PLEKHG6: variants seen among roughly 807,000 people sequenced by gnomAD.
PLEKHG6 encodes the protein pleckstrin homology and RhoGEF domain containing G6, also known as pleckstrin homology domain-containing family G member 6.
A neutral mutation model predicts 97.5 loss-of-function variants in PLEKHG6; 91 were observed. The ratio of observed to expected loss-of-function variants is 0.93; its 90% CI spans 0.79 to 1.11. PLEKHG6 has a LOEUF of 1.11. PLEKHG6 is among the 50% of genes most tolerant of loss of function. The pLI is 0.00. For synonymous variants in PLEKHG6, 466 were observed against 425.5 expected (o/e 1.10, Z -1.17); for missense variants, 1,044 against 1,031.0 (o/e 1.01, Z -0.17).
In PLEKHG6 at chr12:6,316,270, C is replaced by G; in HGVS notation, c.622C>G (p.Leu208Val). ...CCTCCTCCAGGTGTCAGCTGAGACC[C>G]TGTTTGGAAATGTCCCCAGCCTGAT... ...GLLMEVSAET[L>V]FGNVPSLIRT... Residue 208 changes from leucine to valine, a missense_variant, in exon 7 of 16, where the codon CTG becomes GTG. Transcript: ENST00000684764. This position sits in a 1 kb window ranked among gnomAD's most constrained non-coding sequence, Gnocchi z 4.1. 6.4e-7 allele frequency: 1 copy of G among 1,553,956 alleles called. No individual in the cohort carries two copies. Among genetic ancestry groups the G allele is most frequent in the Non-Finnish European group, 8.7e-7 (1 of 1,147,778 alleles).
rs115544986 is a variant in PLEKHG6 at position 6,322,232 on chromosome 12, A to G, written c.1524+3124A>G. Among the ~76,000 whole-genome samples, 460 of 152,308 alleles carry G rather than the reference A, an allele frequency of 3.0e-3. 1 individual carries two copies. The highest frequency in any genetic ancestry group is 0.011 in the African/African-American group (451 of 41,558). On this transcript the variant is annotated intron_variant, in intron 13 of 15. Transcript: ENST00000684764. ...GAAAGGGAAATGTGTTTGTTTAGTT[A>G]TTGCTTCCTCAGTGAGGTGGCTTTA...
rs749881419 is a variant in PLEKHG6, at chr12:6,317,286, C to T, written c.757-17C>T. On this transcript the variant is annotated splice_polypyrimidine_tract_variant and intron_variant, in intron 7 of 15. Transcript: ENST00000684764. Reference sequence around the variant, plus strand: ...CTCCCCATGCCTGCTCCCCACCTCCCGTATCTGTCTCTCCAGTTTGGCCAG... The same window carrying T: ...CTCCCCATGCCTGCTCCCCACCTCCTGTATCTGTCTCTCCAGTTTGGCCAG... 1.5e-5 allele frequency: 23 copies of T among 1,546,584 alleles called. No homozygotes were observed. In the Admixed American group the frequency reaches 3.2e-4, roughly 21 times the overall value.
chr12:6,312,344 C>A lies in PLEKHG6; in HGVS notation c.118C>A (p.Pro40Thr). The A allele has an allele frequency of 6.3e-7, 1 of 1,583,914 alleles. No individual in the cohort carries two copies. Among genetic ancestry groups the A allele is most frequent in the African/African-American group, 1.4e-5 (1 of 72,526 alleles). ...TCAGAGCACTGCTGGCAGACTCTAT[C>A]CCCGAGGATACCCTGTGCTGGTGAG... ...SAQSTAGRLY[P>T]RGYPVLDPSR... The change falls in exon 2 of 16, where the codon CCC becomes ACC. Residue 40 changes from proline to threonine, a missense_variant. By Grantham distance (38) the Pro-to-Thr change is conservative. Transcript: ENST00000684764.
chr12:6,318,235 C>T (rs982041019), intron 10 of PLEKHG6, 66 bp from the exon 11 acceptor site: 62 of 1,606,972 alleles, frequency 3.9e-5, no homozygotes, highest in South Asian at 3.2e-4. Context: ...AACCAGGAGC[C>T]GCCCTTGGCC....
chr12:6,321,985 A>G (rs1422096993), intron 13 of PLEKHG6, among the ~76,000 whole-genome samples: 7 of 152,128 alleles, frequency 4.6e-5, no homozygotes, highest in Admixed American at 4.6e-4. Flanking sequence ...CTCAACTTCA[A>G]TTTCGTCATC....
intron 2 of PLEKHG6, 112 bp downstream of exon 2, chr12:6,312,476 T>A: frequency 8.1e-7 from 1 of 1,241,566 alleles, no homozygotes; most frequent in Non-Finnish European, 1.1e-6. Context: ...TCCTGCCCCT[T>A]ACCCTACTCT....
At chr12:6,320,478 C>T (rs185828651) in intron 13 of PLEKHG6, among the ~76,000 whole-genome samples, 1 of 152,174 alleles carries the variant, frequency 6.6e-6, no homozygotes, top group East Asian at 2.0e-4. Context: ...TTGCCCCAGG[C>T]GTTCCGTGGC....
In PLEKHG6 at chr12:6,312,366, T is replaced by C; in HGVS notation, c.138+2T>C. ...TATCCCCGAGGATACCCTGTGCTGGTGAGTCCAGGCTGTGCCCCAAAAGTG... is the reference window on the plus strand; with the variant it reads ...TATCCCCGAGGATACCCTGTGCTGGCGAGTCCAGGCTGTGCCCCAAAAGTG... On this transcript the variant is annotated splice_donor_variant, in intron 2 of 15. Coordinates refer to ENST00000684764, the MANE Select transcript of PLEKHG6 (RefSeq NM_001384598.1). LOFTEE classifies it high-confidence loss of function. 1 of 1,582,990 alleles carries C rather than the reference T, an allele frequency of 6.3e-7. No individual in the cohort carries two copies. The highest frequency in any genetic ancestry group is 8.6e-7 in the Non-Finnish European group (1 of 1,167,464).
chr12:6,321,758 C>A (rs113155570), intron 13 of PLEKHG6, among the ~76,000 whole-genome samples: 1 of 136,912 alleles, frequency 7.3e-6, no homozygotes, highest in Non-Finnish European at 1.5e-5. Context: ...ACCCGGGAGG[C>A]GGAGCTTGCA....
intron 14 of PLEKHG6, 97 bp downstream of exon 14, chr12:6,326,670 A>C: frequency 2.5e-6 from 3 of 1,207,530 alleles, no homozygotes; most frequent in Non-Finnish European, 3.3e-6. Context: ...GGAATTGGGA[A>C]TAGATAGAGG....
intron 13 of PLEKHG6, among the ~76,000 whole-genome samples, chr12:6,320,635 C>G (rs1445413582): frequency 6.6e-6 from 1 of 152,194 alleles, no homozygotes; most frequent in Non-Finnish European, 1.5e-5. Context: ...GAGAACTCAT[C>G]TTGAGCTCTT....
Position 6,315,953 on chromosome 12 carries a change from G to A in PLEKHG6, c.606+34G>A. 1.3e-6 allele frequency: 2 copies of A among 1,545,070 alleles called. No individual in the cohort carries two copies. The highest frequency in any genetic ancestry group is 8.8e-7 in the Non-Finnish European group (1 of 1,138,768). Reference sequence around the variant, plus strand: ...GTGCTCAGGAGGGGACCCTGGCACAGCCCGACCTCTGAGCCTGGGGATGAG... The same window carrying A: ...GTGCTCAGGAGGGGACCCTGGCACAACCCGACCTCTGAGCCTGGGGATGAG... On this transcript the variant is annotated intron_variant, in intron 6 of 15. Coordinates refer to ENST00000684764, the MANE Select transcript of PLEKHG6 (RefSeq NM_001384598.1). This position sits in a 1 kb window ranked among gnomAD's most constrained non-coding sequence, Gnocchi z 4.5.
chr12:6,320,918 C>T (rs1433740517), intron 13 of PLEKHG6, among the ~76,000 whole-genome samples: 2 of 152,086 alleles, frequency 1.3e-5, no homozygotes, highest in African/African-American at 4.8e-5. Context: ...TGTGTGAGTG[C>T]GTGGTAAGAG....
chr12:6,324,343 A>G (rs1249029292), intron 13 of PLEKHG6, among the ~76,000 whole-genome samples: 1 of 149,584 alleles, frequency 6.7e-6, no homozygotes, highest in Non-Finnish European at 1.5e-5. Flanking sequence ...GCAAGGGGCA[A>G]GTTTAGCAGA....
Position 6,315,112 on chromosome 12 carries a change from T to C in PLEKHG6, c.402T>C (p.Gly134=), listed in dbSNP as rs749138417. The change falls in exon 4 of 16, where the codon GGT becomes GGC. Residue 134 remains glycine (G), a synonymous_variant. Coordinates refer to ENST00000684764, the MANE Select transcript of PLEKHG6 (RefSeq NM_001384598.1). This position sits in a 1 kb window ranked among gnomAD's most constrained non-coding sequence, Gnocchi z 4.5. ...GGCGGCACTGGGAGATAGGAGAGGG[T>C]GGCGACAGTGGCCTGACCATCGAGA... The part of the protein sequence containing the change: ...EDRRHWEIGE[G]GDSGLTIEKS... 1 of 1,612,472 alleles carries C rather than the reference T, an allele frequency of 6.2e-7. No homozygotes were observed. Among genetic ancestry groups the C allele is most frequent in the Admixed American group, 1.7e-5 (1 of 60,000 alleles).
intron 3 of PLEKHG6, among the ~76,000 whole-genome samples, chr12:6,314,225 G>A (rs1020714550): frequency 3.3e-5 from 5 of 152,160 alleles, no homozygotes; most frequent in African/African-American, 4.8e-5. Flanking sequence ...AAAATGGGCC[G>A]GGCGTGGTGG....
chr12:6,316,038 G>GC lies in PLEKHG6; in HGVS notation c.606+122dup. On this transcript the variant is annotated intron_variant, in intron 6 of 15. Transcript: ENST00000684764. The surrounding 1 kb of genome is among the most constrained non-coding windows in gnomAD (Gnocchi z 4.1). ...ACTGCCCCGTTTTTTGGGATGCCTT[G>GC]CCCTCCCTACTTCCCTGTTACTGGG... The GC allele has an allele frequency of 9.8e-7, 1 of 1,018,140 alleles. No homozygotes were observed. The highest frequency in any genetic ancestry group is 1.4e-6 in the Non-Finnish European group (1 of 696,692). The allele number at this position is 1,018,140 out of a possible 1,614,324, so 63.1% of individuals were successfully genotyped here. A position where few individuals can be genotyped will look rare whatever the true frequency, so the allele number is the denominator to read the frequency against.
At position 6,327,650 on chromosome 12, in the gene PLEKHG6, G is replaced by T; in HGVS notation, c.2067G>T (p.Arg689=). The change falls in exon 15 of 16, where the codon CGG becomes CGT. Residue 689 remains arginine (R), a synonymous_variant. Transcript: ENST00000684764. ...NVVVETLHRA[R]LRGQLPSSPT... is the part of the protein sequence containing the mutation. ...TGGTGGAAACACTCCACAGGGCCCG[G>T]CTTCGGGGCCAGCTTCCCTCCTCCC... 6.4e-7 allele frequency: 1 copy of T among 1,560,174 alleles called. No homozygotes were observed. Among genetic ancestry groups the T allele is most frequent in the South Asian group, 1.2e-5 (1 of 86,214 alleles).
At position 6,315,812 on chromosome 12, in the gene PLEKHG6, G is replaced by A. The variant is rs1353488662; in HGVS notation, c.556-57G>A. The stretch of plus-strand genomic sequence containing the variant: ...GTACTGAAGTTGGTGGGGGGTGGGA[G>A]GTGACGACACTGAAGGGCTGCGCTG... On this transcript the variant is annotated intron_variant, in intron 5 of 15. Coordinates refer to ENST00000684764, the MANE Select transcript of PLEKHG6 (RefSeq NM_001384598.1). This position sits in a 1 kb window ranked among gnomAD's most constrained non-coding sequence, Gnocchi z 4.5. 5 of 1,456,650 alleles carry A rather than the reference G, an allele frequency of 3.4e-6. No individual in the cohort carries two copies. The highest frequency in any genetic ancestry group is 2.5e-5 in the East Asian group (1 of 40,314). The allele number at this position is 1,456,650 out of a possible 1,614,324, so 90.2% of individuals were successfully genotyped here.
Sources: gnomAD v4.1 joint callset for allele counts (sites outside exome capture counted in the v4.1 genomes callset) on GRCh38, gnomAD v4.1.1 for gene constraint, Gnocchi (gnomAD v3.1) non-coding constraint, MANE v1.5 for transcripts, NCBI Gene and HGNC (gene_info 2026-07-23, HGNC 2026-07-21) for gene names.